The following FARP1 variants were observed in gnomAD, a reference collection of about 807,000 sequenced individuals.
The protein encoded by FARP1 is FERM, ARH/RhoGEF and pleckstrin domain protein 1, also known as FERM, ARHGEF and pleckstrin domain-containing protein 1.
Under a neutral mutation model 128.8 loss-of-function variants are expected in FARP1, and 52 were observed. That is an observed-to-expected ratio of 0.40 (90% CI 0.32 to 0.51). FARP1 has a LOEUF of 0.51. FARP1 is among the 20% of genes least tolerant of loss of function. The pLI, the probability that FARP1 is intolerant of heterozygous loss-of-function variation, is 0.45. For missense variants in FARP1, 1,333 were observed against 1,367.9 expected (o/e 0.97, Z 0.40); for synonymous variants, 580 against 551.8 (o/e 1.05, Z -0.72).
At chr13:98,303,557 C>A (rs185917938) in intron 2 of FARP1, among the ~76,000 whole-genome samples, 1 of 152,146 alleles carries the variant, frequency 6.6e-6, no homozygotes, top group African/African-American at 2.4e-5. Flanking sequence ...AGAGTTGGAA[C>A]TTGTAAATTA....
chr13:98,302,607 C>T (rs537584875), intron 2 of FARP1, among the ~76,000 whole-genome samples: 1 of 152,262 alleles, frequency 6.6e-6, no homozygotes, highest in Non-Finnish European at 1.5e-5. Flanking sequence ...CCTATAACAT[C>T]GTTGTCTGGA....
chr13:98,339,985 G>T (rs536720286), intron 2 of FARP1, among the ~76,000 whole-genome samples: 2 of 152,100 alleles, frequency 1.3e-5, no homozygotes, highest in African/African-American at 4.8e-5. Context: ...CTGCTGACTC[G>T]TTGGAGTACC....
At chr13:98,262,001 G>A (rs1883903917) in intron 2 of FARP1, among the ~76,000 whole-genome samples, 1 of 150,610 alleles carries the variant, frequency 6.6e-6, no homozygotes, top group Admixed American at 6.6e-5. Flanking sequence ...GGTTGATACT[G>A]TGCCCACCCC....
At chr13:98,292,495 A>G (rs569227266) in intron 2 of FARP1, among the ~76,000 whole-genome samples, 3 of 152,360 alleles carry the variant, frequency 2.0e-5, no homozygotes, top group East Asian at 3.9e-4. Flanking sequence ...TGCAACATTC[A>G]ATACAGTAGT....
chr13:98,224,526 C>CAAAAA (rs1203238924), intron 2 of FARP1, among the ~76,000 whole-genome samples: 4 of 50,268 alleles, frequency 8.0e-5, no homozygotes, highest in African/African-American at 1.2e-4. Context: ...GACTCTGTCT[C>CAAAAA]AAAAAAAAAA....
intron 2 of FARP1, among the ~76,000 whole-genome samples, chr13:98,313,251 AC>A (rs1476265940): frequency 4.0e-5 from 6 of 149,644 alleles, no homozygotes; most frequent in African/African-American, 1.5e-4. Context: ...ATACACACAC[AC>A]ACACACACAC....
At chr13:98,161,434 C>T (rs1022870169) in intron 1 of FARP1, among the ~76,000 whole-genome samples, 2 of 152,050 alleles carry the variant, frequency 1.3e-5, no homozygotes, top group Admixed American at 6.6e-5. Flanking sequence ...CAAGGCTGGT[C>T]TCGATCTCCT....
At chr13:98,188,078 G>A (rs575981600) in intron 1 of FARP1, among the ~76,000 whole-genome samples, 1 of 152,288 alleles carries the variant, frequency 6.6e-6, no homozygotes, top group African/African-American at 2.4e-5. Context: ...GCTCTGCTGA[G>A]CGTGAGTTGG....
intron 2 of FARP1, chr13:98,244,745 A>C (rs182475593): frequency 6.2e-7 from 1 of 1,604,546 alleles, no homozygotes; most frequent in Admixed American, 1.7e-5. Context: ...TATTTCATTC[A>C]AAGAAATTGA....
chr13:98,183,469 G>A (rs1258840060), intron 1 of FARP1, among the ~76,000 whole-genome samples: 9 of 152,208 alleles, frequency 5.9e-5, no homozygotes, highest in South Asian at 2.1e-4. Context: ...TGTTACCTTC[G>A]TTTTTCAGGC....
chr13:98,149,988 A>G (rs930095422), intron 1 of FARP1, among the ~76,000 whole-genome samples: 1 of 151,334 alleles, frequency 6.6e-6, no homozygotes, highest in African/African-American at 2.4e-5. Context: ...CCGCCTGCCT[A>G]GGCCTCCCAA....
Position 98,454,035 on chromosome 13 carries a change from T to G in FARP1, c.*5718T>G, listed in dbSNP as rs887775532. 7 of 152,190 alleles carry G rather than the reference T, an allele frequency of 4.6e-5. No homozygotes were observed. The highest frequency in any genetic ancestry group is 1.7e-4 in the African/African-American group (7 of 41,446). 9.4% of individuals were successfully genotyped at this position (152,190 alleles called of 1,614,324 possible). On this transcript the variant is annotated 3_prime_UTR_variant, in exon 27 of 27. Transcript: ENST00000319562. ...GCTCAAAAGTTTCAGATTGGGGATT[T>G]GGGATATTCAGCCTGTATATGTGCA...
chr13:98,367,555 A>G (rs907901555), intron 4 of FARP1, among the ~76,000 whole-genome samples: 2 of 150,286 alleles, frequency 1.3e-5, no homozygotes, highest in African/African-American at 2.5e-5. Context: ...CTCACTCCCT[A>G]TCTACTTCCT....
chr13:98,246,744 C>T (rs1044057237), intron 2 of FARP1, among the ~76,000 whole-genome samples: 3 of 152,204 alleles, frequency 2.0e-5, no homozygotes, highest in Admixed American at 6.5e-5. Flanking sequence ...AATGACATCA[C>T]TAAGCACACA....
chr13:98,293,405 G>A (rs1256586629), intron 2 of FARP1, among the ~76,000 whole-genome samples: 1 of 152,078 alleles, frequency 6.6e-6, no homozygotes, highest in African/African-American at 2.4e-5. Flanking sequence ...TTCAGAGGAG[G>A]GGAACACAGG....
intron 3 of FARP1, chr13:98,345,732 C>A (rs1888153568): frequency 6.6e-6 from 1 of 152,152 alleles, no homozygotes; most frequent in South Asian, 2.1e-4. Context: ...GCAGGGGTCA[C>A]ACCTTCTTTG....
At chr13:98,446,290 T>C (rs1490359747) in intron 25 of FARP1, 85 bp downstream of exon 25, 2 of 852,072 alleles carry the variant, frequency 2.3e-6, no homozygotes, top group Non-Finnish European at 3.8e-6. Context: ...CTGGAATGAC[T>C]CAGGCCTCTT....
intron 2 of FARP1, among the ~76,000 whole-genome samples, chr13:98,229,877 G>A (rs1276946064): frequency 6.6e-6 from 1 of 152,062 alleles, no homozygotes; most frequent in African/African-American, 2.4e-5. Context: ...TCTCTCTACT[G>A]TATTGGCTGT....
intron 15 of FARP1, among the ~76,000 whole-genome samples, chr13:98,411,508 T>C (rs955424956): frequency 6.6e-5 from 10 of 152,202 alleles, no homozygotes; most frequent in African/African-American, 2.4e-4. Context: ...TCATGCCCAG[T>C]GTTTTAACAA....
Sources: gnomAD v4.1 joint callset for allele counts (sites outside exome capture counted in the v4.1 genomes callset) on GRCh38, gnomAD v4.1.1 for gene constraint, MANE v1.5 for transcripts, NCBI Gene and HGNC (gene_info 2026-07-23, HGNC 2026-07-21) for gene names.